Variants in STK3 observed in about 807,000 individuals in gnomAD.
STK3 encodes the protein serine/threonine-protein kinase 3.
Under a neutral mutation model 58.0 loss-of-function variants are expected in STK3, and 41 were observed. The ratio of observed to expected loss-of-function variants is 0.71; its 90% CI spans 0.55 to 0.92. STK3 has a LOEUF of 0.92. Among genes scored for constraint, STK3 ranks in the 40% least tolerant of loss-of-function variants. The pLI is 0.00. For synonymous variants in STK3, 170 were observed against 191.0 expected, an observed-to-expected ratio of 0.89 and a Z score of 0.91; for missense variants, 479 against 602.7, an observed-to-expected ratio of 0.79 and a Z score of 2.15.
At chr8:98,408,637 T>C (rs1374570681) in intron 3 of STK3, among the ~76,000 whole-genome samples, 1 of 152,228 alleles carries the variant, frequency 6.6e-6, no homozygotes, top group Non-Finnish European at 1.5e-5. Flanking sequence ...GGCAATCATT[T>C]GTATTCTAAA....
At chr8:98,786,587 T>C (rs1832473828) in intron 1 of STK3, among the ~76,000 whole-genome samples, 1 of 152,036 alleles carries the variant, frequency 6.6e-6, no homozygotes, top group Non-Finnish European at 1.5e-5. Flanking sequence ...TCAACAAAAA[T>C]AGAGGAAAAT....
chr8:98,621,856 G>A (rs912778377), intron 6 of STK3, among the ~76,000 whole-genome samples: 8 of 151,782 alleles, frequency 5.3e-5, no homozygotes, highest in Non-Finnish European at 8.8e-5. Flanking sequence ...AAGAAGCTCC[G>A]TATGGCCAGA....
chr8:98,362,980 T>A, the STK3 span, among the ~76,000 whole-genome samples: 2 of 152,306 alleles, frequency 1.3e-5, no homozygotes, highest in East Asian at 3.9e-4. Flanking sequence ...TTTGACACAA[T>A]CATTATCAGT....
At chr8:98,447,148 G>GT (rs1818987384) in intron 1 of STK3, among the ~76,000 whole-genome samples, 5 of 152,044 alleles carry the variant, frequency 3.3e-5, no homozygotes, top group Admixed American at 2.6e-4. Flanking sequence ...ACTAGGCTTA[G>GT]TACCTGAATG....
intron 1 of STK3, among the ~76,000 whole-genome samples, chr8:98,445,251 T>C (rs1818887998): frequency 6.6e-6 from 1 of 152,202 alleles, no homozygotes; most frequent in Admixed American, 6.5e-5. Flanking sequence ...CCAGAATGGA[T>C]ATACATTTCA....
At chr8:98,442,358 T>C (rs373532621) in intron 1 of STK3, among the ~76,000 whole-genome samples, 18 of 152,272 alleles carry the variant, frequency 1.2e-4, no homozygotes, top group African/African-American at 4.1e-4. Flanking sequence ...GCATGGGCCA[T>C]AGTCCAATCA....
chr8:98,693,091 A>T (rs559160862), intron 6 of STK3, among the ~76,000 whole-genome samples: 1 of 152,272 alleles, frequency 6.6e-6, no homozygotes, highest in Admixed American at 6.5e-5. Flanking sequence ...AATTTGAGGT[A>T]GATAGACAAA....
At chr8:98,852,685 G>A (rs529346344) in intron 3 of STK3, among the ~76,000 whole-genome samples, 9 of 152,170 alleles carry the variant, frequency 5.9e-5, no homozygotes, top group South Asian at 2.1e-4. Flanking sequence ...GTTTATTTTT[G>A]TGTTTCTCTC....
At chr8:98,914,181 G>T (rs1487914522) in intron 1 of STK3, among the ~76,000 whole-genome samples, 1 of 152,078 alleles carries the variant, frequency 6.6e-6, no homozygotes, top group Non-Finnish European at 1.5e-5. Context: ...GCCAGGTGCG[G>T]TGGCTCACAC....
At chr8:98,723,336 T>A (rs1827569346) in intron 4 of STK3, among the ~76,000 whole-genome samples, 1 of 152,156 alleles carries the variant, frequency 6.6e-6, no homozygotes, top group Admixed American at 6.5e-5. Flanking sequence ...AATTTCATTG[T>A]ACGAAAACAA....
At chr8:98,713,532 A>T (rs1306263798) in intron 4 of STK3, among the ~76,000 whole-genome samples, 1 of 152,244 alleles carries the variant, frequency 6.6e-6, no homozygotes, top group Non-Finnish European at 1.5e-5. Context: ...TCTAGAAGAA[A>T]TGGATAAATT....
At chr8:98,616,338 T>C (rs1185727024) in intron 6 of STK3, among the ~76,000 whole-genome samples, 6 of 141,878 alleles carry the variant, frequency 4.2e-5, no homozygotes, top group Non-Finnish European at 9.2e-5. Flanking sequence ...GAACAACCAG[T>C]ACCAGCCGCT....
rs79710795 is a variant in STK3 at position 98,700,935 on chromosome 8, G to A, written c.684+5532C>T. Among the ~76,000 whole-genome samples, 1,280 of 152,240 alleles carry A rather than the reference G, an allele frequency of 8.4e-3. 17 individuals carry two copies. Among genetic ancestry groups the A allele is most frequent in the African/African-American group, 0.028 (1,173 of 41,518 alleles). ...GGATAATTGCTTGACCCAGGGAGGC[G>A]AAGATTGCAGTGAGCCTAGATGGCG... On this transcript the variant is annotated intron_variant, in intron 6 of 10. Coordinates refer to ENST00000419617, the MANE Select transcript of STK3 (RefSeq NM_006281.4).
At chr8:98,799,881 A>C (rs1833407137) in intron 1 of STK3, among the ~76,000 whole-genome samples, 1 of 152,222 alleles carries the variant, frequency 6.6e-6, no homozygotes, top group African/African-American at 2.4e-5. Flanking sequence ...CTTTAGCAGC[A>C]GTGACTCTCC....
At chr8:98,688,791 T>C (rs1270285171) in intron 6 of STK3, among the ~76,000 whole-genome samples, 1 of 152,148 alleles carries the variant, frequency 6.6e-6, no homozygotes, top group Non-Finnish European at 1.5e-5. Flanking sequence ...GAGGAAAGTT[T>C]AGAATGCTAA....
chr8:98,353,383 T>C, the STK3 span, among the ~76,000 whole-genome samples: 17 of 152,082 alleles, frequency 1.1e-4, no homozygotes, highest in Non-Finnish European at 2.5e-4. Flanking sequence ...CCCAGCTACT[T>C]GGGAGGCTGA....
intron 1 of STK3, among the ~76,000 whole-genome samples, chr8:98,933,462 G>A (rs1031237470): frequency 1.3e-5 from 2 of 152,098 alleles, no homozygotes; most frequent in African/African-American, 4.8e-5. Context: ...AAATTGTTTG[G>A]ACTATATGTC....
chr8:98,375,416 A>G (rs1295853071), intron 2 of STK3, among the ~76,000 whole-genome samples: 1 of 152,200 alleles, frequency 6.6e-6, no homozygotes, highest in East Asian at 1.9e-4. Context: ...AAAATTCCAA[A>G]TTATTTAAAA....
At chr8:98,551,465 A>G (rs958603282) in intron 8 of STK3, among the ~76,000 whole-genome samples, 2 of 152,176 alleles carry the variant, frequency 1.3e-5, no homozygotes, top group African/African-American at 4.8e-5. Flanking sequence ...TAAAACAACA[A>G]AAAAACAAAC....
Sources: gnomAD v4.1 joint callset for allele counts (sites outside exome capture counted in the v4.1 genomes callset) on GRCh38, gnomAD v4.1.1 for gene constraint, MANE v1.5 for transcripts, NCBI Gene and HGNC (gene_info 2026-07-23, HGNC 2026-07-21) for gene names.